Variants in ARMH3 observed in about 807,000 individuals in gnomAD.
The protein encoded by ARMH3 is armadillo-like helical domain-containing protein 3.
ARMH3 carries 60 observed loss-of-function variants against 99.1 expected under a neutral mutation model. That is an observed-to-expected ratio of 0.61 (90% CI 0.49 to 0.75). The LOEUF (loss-of-function observed/expected upper bound fraction) is 0.75, where lower values mean the gene tolerates loss of function less well. Among genes scored for constraint, ARMH3 ranks in the 30% least tolerant of loss-of-function variants. The pLI is 0.00. For missense variants in ARMH3, 679 were observed against 843.1 expected, an observed-to-expected ratio of 0.81 and a Z score of 2.41; for synonymous variants, 285 against 292.8, an observed-to-expected ratio of 0.97 and a Z score of 0.27.
chr10:102,005,829 T>C (rs994989695), intron 14 of ARMH3, among the ~76,000 whole-genome samples: 28 of 152,302 alleles, frequency 1.8e-4, no homozygotes, highest in Admixed American at 4.6e-4. Context: ...ATTTTCACCG[T>C]TGTTGTCTTG....
At chr10:102,051,752 T>C (rs780991724) in intron 1 of ARMH3, among the ~76,000 whole-genome samples, 5 of 152,234 alleles carry the variant, frequency 3.3e-5, no homozygotes, top group Non-Finnish European at 7.3e-5. Flanking sequence ...TATCAGCCAG[T>C]CTGTACCTAC....
At chr10:102,055,874 C>T (rs1423521354) in intron 1 of ARMH3, among the ~76,000 whole-genome samples, 1 of 152,218 alleles carries the variant, frequency 6.6e-6, no homozygotes, top group Non-Finnish European at 1.5e-5. Context: ...AGCCGTTTCT[C>T]TCTAGGCTCG....
chr10:101,976,271 C>T (rs968810440), intron 19 of ARMH3, among the ~76,000 whole-genome samples: 1 of 146,936 alleles, frequency 6.8e-6, no homozygotes, highest in African/African-American at 2.5e-5. Flanking sequence ...ACCTAGGAAG[C>T]AAAGGTTGCA....
intron 7 of ARMH3, 23 bp from the exon 8 acceptor site, chr10:102,023,586 A>G: frequency 1.9e-6 from 3 of 1,611,692 alleles, no homozygotes; most frequent in South Asian, 2.2e-5. Flanking sequence ...CCAAAAATGC[A>G]TGAGACTGCT....
At chr10:101,857,874 T>C (rs986005283) in intron 24 of ARMH3, among the ~76,000 whole-genome samples, 4 of 152,220 alleles carry the variant, frequency 2.6e-5, no homozygotes, top group Non-Finnish European at 4.4e-5. Flanking sequence ...TCTATTTTCC[T>C]AAAACCAGGC....
intron 23 of ARMH3, among the ~76,000 whole-genome samples, chr10:101,910,613 T>C (rs1246068526): frequency 6.6e-6 from 1 of 151,932 alleles, no homozygotes; most frequent in Non-Finnish European, 1.5e-5. Context: ...ACAACTGTAA[T>C]TCCAGCTACT....
chr10:101,913,361 C>CTCTCTCT (rs57213877), intron 23 of ARMH3: 10 of 70,296 alleles, frequency 1.4e-4, no homozygotes, highest in East Asian at 5.9e-4. Context: ...CTCTCTCTCT[C>CTCTCTCT]TTTTTTTTTT....
rs540028693 is a variant in ARMH3, at chr10:101,869,694, G to A, written c.1860+19718C>T. ...TAGAAAGAGAGCAAATTAAATCAAA[G>A]CAAACAGAAGGAAATAATACAGATA... On this transcript the variant is annotated intron_variant, in intron 24 of 25. Transcript: ENST00000370033. 3.3e-5 allele frequency among the ~76,000 whole-genome samples: 5 copies of A among 152,202 alleles called. No individual in the cohort carries two copies. In the South Asian group the frequency reaches 1.0e-3, roughly 32 times the overall value.
intron 1 of ARMH3, among the ~76,000 whole-genome samples, chr10:102,043,584 G>A (rs1048393736): frequency 2.6e-5 from 4 of 152,148 alleles, no homozygotes; most frequent in East Asian, 1.9e-4. Flanking sequence ...GATAATAAAG[G>A]AGAGAAAGAA....
chr10:101,971,651 G>C (rs770768824), intron 20 of ARMH3, among the ~76,000 whole-genome samples: 5 of 152,232 alleles, frequency 3.3e-5, no homozygotes, highest in Non-Finnish European at 7.3e-5. Context: ...AATTAAGACA[G>C]AGGTTTTTGA....
chr10:102,055,893 C>G (rs1590253917), intron 1 of ARMH3, among the ~76,000 whole-genome samples, 192 bp downstream of exon 1: 2 of 152,224 alleles, frequency 1.3e-5, no homozygotes, highest in Admixed American at 1.3e-4. Context: ...CGGCCGCCCC[C>G]AGGCCCAGCC....
chr10:102,009,641 T>A (rs898424092), intron 12 of ARMH3, among the ~76,000 whole-genome samples, 192 bp from the exon 13 acceptor site: 4 of 152,224 alleles, frequency 2.6e-5, no homozygotes, highest in Non-Finnish European at 4.4e-5. Flanking sequence ...TTCACTTTAA[T>A]TCCTTAGGAC....
intron 22 of ARMH3, among the ~76,000 whole-genome samples, chr10:101,940,862 C>G (rs567201046): frequency 3.3e-5 from 5 of 152,312 alleles, no homozygotes; most frequent in Middle Eastern, 3.4e-3. Context: ...CTATGATCTT[C>G]AGAGCCACAC....
intron 22 of ARMH3, among the ~76,000 whole-genome samples, chr10:101,941,325 A>C (rs1051019655): frequency 6.6e-5 from 10 of 152,236 alleles, no homozygotes; most frequent in African/African-American, 2.4e-4. Flanking sequence ...AATAAGTTTT[A>C]GCTATTATTA....
chr10:101,853,272 T>C (rs766641399), intron 24 of ARMH3, among the ~76,000 whole-genome samples: 16 of 152,150 alleles, frequency 1.1e-4, no homozygotes, highest in Non-Finnish European at 1.8e-4. Flanking sequence ...ATCTAGTCTC[T>C]GCTGTCTCCT....
chr10:102,055,823 C>T (rs946533746), intron 1 of ARMH3, among the ~76,000 whole-genome samples: 15 of 152,312 alleles, frequency 9.8e-5, no homozygotes, highest in African/African-American at 3.6e-4. Context: ...GGGACGTGAC[C>T]GGGACCGTGT....
intron 1 of ARMH3, among the ~76,000 whole-genome samples, chr10:102,046,316 AGAG>A (rs1157853517): frequency 6.6e-6 from 1 of 151,442 alleles, no homozygotes; most frequent in East Asian, 1.9e-4. Flanking sequence ...AAGAGAGAAA[AGAG>A]AGAGAAAGAG....
chr10:102,031,139 G>A (rs2136201010), intron 4 of ARMH3, among the ~76,000 whole-genome samples: 1 of 152,240 alleles, frequency 6.6e-6, no homozygotes, highest in East Asian at 1.9e-4. Context: ...TTATATAATA[G>A]CCAACTGCTT....
intron 24 of ARMH3, among the ~76,000 whole-genome samples, chr10:101,870,808 G>A (rs1443280804): frequency 2.6e-5 from 4 of 152,048 alleles, no homozygotes; most frequent in African/African-American, 9.7e-5. Flanking sequence ...TGGGAGGCCT[G>A]GTAGCCTGTA....
Sources: allele counts gnomAD v4.1 joint callset (sites outside exome capture counted in the v4.1 genomes callset), GRCh38; gene constraint gnomAD v4.1.1; transcripts MANE v1.5; gene names NCBI Gene and HGNC (gene_info 2026-07-23, HGNC 2026-07-21).